The following PPFIA2 variants were observed in gnomAD, a reference collection of about 807,000 sequenced individuals.
PPFIA2 encodes liprin-alpha-2.
In PPFIA2, 46 loss-of-function variants were observed where a neutral mutation model predicts 175.5. The ratio of observed to expected loss-of-function variants is 0.26; its 90% CI spans 0.21 to 0.34. PPFIA2 has a LOEUF of 0.34. Ranked by LOEUF, PPFIA2 falls within the 10% of genes least tolerant of loss-of-function variation. The probability of loss-of-function intolerance (pLI) is 1.00; values close to 1 mark genes in which losing one functional copy is unlikely to be tolerated. For synonymous variants in PPFIA2, 568 were observed against 511.4 expected, an observed-to-expected ratio of 1.11 and a Z score of -1.49; for missense variants, 1,179 against 1,506.1, an observed-to-expected ratio of 0.78 and a Z score of 3.60.
chr12:81,665,324 C>T (rs2069946049), intron 4 of PPFIA2, among the ~76,000 whole-genome samples: 1 of 152,140 alleles, frequency 6.6e-6, no homozygotes, highest in South Asian at 2.1e-4. Context: ...TTTTCTATCA[C>T]ATTAATCATC....
chr12:81,585,713 A>G (rs1229580279), intron 4 of PPFIA2, among the ~76,000 whole-genome samples: 1 of 151,848 alleles, frequency 6.6e-6, no homozygotes, highest in Admixed American at 6.6e-5. Flanking sequence ...TACCTGCCTG[A>G]GACTATTTCA....
intron 4 of PPFIA2, among the ~76,000 whole-genome samples, chr12:81,478,407 C>G (rs185510101): frequency 6.6e-6 from 1 of 152,048 alleles, no homozygotes; most frequent in East Asian, 1.9e-4. Flanking sequence ...CGTCTCTATC[C>G]CTTCAGATCT....
At chr12:81,429,701 A>G (rs2047752247) in intron 7 of PPFIA2, among the ~76,000 whole-genome samples, 1 of 152,096 alleles carries the variant, frequency 6.6e-6, no homozygotes, top group Non-Finnish European at 1.5e-5. Flanking sequence ...AAGCAATCAA[A>G]GACAACTTTA....
intron 4 of PPFIA2, among the ~76,000 whole-genome samples, chr12:81,666,063 A>G (rs987551753): frequency 2.6e-5 from 4 of 152,166 alleles, no homozygotes; most frequent in Non-Finnish European, 5.9e-5. Flanking sequence ...ACAATGAGAT[A>G]CCATCTCACA....
intron 3 of PPFIA2, among the ~76,000 whole-genome samples, chr12:81,697,538 A>T (rs565270441): frequency 1.1e-4 from 17 of 152,288 alleles, no homozygotes; most frequent in Admixed American, 1.1e-3. Context: ...GGAATATGTC[A>T]AACTATTTGA....
At chr12:81,540,064 CAGAGAG>C (rs566794056) in intron 4 of PPFIA2, among the ~76,000 whole-genome samples, 1 of 151,144 alleles carries the variant, frequency 6.6e-6, no homozygotes, top group Non-Finnish European at 1.5e-5. Flanking sequence ...AGAGAGGAGA[CAGAGAG>C]AGAGAGAAAG....
At chr12:81,758,278 C>T (rs1381481122) in intron 2 of PPFIA2, 122 bp downstream of exon 2, 2 of 422,988 alleles carry the variant, frequency 4.7e-6, no homozygotes, top group Non-Finnish European at 9.6e-6. Flanking sequence ...GCAAAAGGCA[C>T]CTAACGGTAA....
At chr12:81,557,114 C>A (rs1025763348) in intron 4 of PPFIA2, among the ~76,000 whole-genome samples, 2 of 151,202 alleles carry the variant, frequency 1.3e-5, no homozygotes, top group Admixed American at 6.6e-5. Context: ...AGGTCTCATT[C>A]TTATATGCTT....
At chr12:81,392,599 T>G (rs1319562226) in intron 8 of PPFIA2, among the ~76,000 whole-genome samples, 1 of 151,966 alleles carries the variant, frequency 6.6e-6, no homozygotes, top group African/African-American at 2.4e-5. Context: ...TTACAAAATA[T>G]GTTTGTTGTC....
At chr12:81,706,253 C>G (rs1023818579) in intron 3 of PPFIA2, among the ~76,000 whole-genome samples, 1 of 152,130 alleles carries the variant, frequency 6.6e-6, no homozygotes, top group Non-Finnish European at 1.5e-5. Flanking sequence ...AAGTTTAACA[C>G]TATGTACTGC....
At position 81,647,067 on chromosome 12, in the gene PPFIA2, G is replaced by A. The variant is rs1293009065; in HGVS notation, c.303+29724C>T. Among the ~76,000 whole-genome samples, 6 of 1,728 alleles carry A rather than the reference G, an allele frequency of 3.5e-3. No individual in the cohort carries two copies. The East Asian group carries it at 0.21, about 62-fold the overall frequency. The allele number at this position is 1,728 out of a possible 152,430, so 1.1% of individuals were successfully genotyped here. Reference sequence around the variant, plus strand: ...TTGAAGGAACTGGTTAAAAAAAAAGGGGGGGGGAGCGTGTATAAACAAATG... The same window carrying A: ...TTGAAGGAACTGGTTAAAAAAAAAGAGGGGGGGAGCGTGTATAAACAAATG... On this transcript the variant is annotated intron_variant, in intron 4 of 32. Coordinates refer to ENST00000549396, the MANE Select transcript of PPFIA2 (RefSeq NM_003625.5).
chr12:81,516,707 G>T (rs991480855), intron 4 of PPFIA2, among the ~76,000 whole-genome samples: 1 of 152,166 alleles, frequency 6.6e-6, no homozygotes, highest in African/African-American at 2.4e-5. Context: ...AACTAACCCT[G>T]CAAACACCTT....
At chr12:81,268,912 C>G (rs962009550) in intron 28 of PPFIA2, among the ~76,000 whole-genome samples, 1 of 152,106 alleles carries the variant, frequency 6.6e-6, no homozygotes, top group African/African-American at 2.4e-5. Flanking sequence ...TAATATAAGG[C>G]ATCAACAGAT....
intron 4 of PPFIA2, among the ~76,000 whole-genome samples, chr12:81,585,731 G>GT (rs919264511): frequency 4.0e-5 from 6 of 151,624 alleles, no homozygotes; most frequent in South Asian, 2.1e-4. Context: ...TCACAGTTAA[G>GT]TTTTTTTTAA....
At chr12:81,711,641 G>A (rs549324151) in intron 3 of PPFIA2, among the ~76,000 whole-genome samples, 1 of 151,180 alleles carries the variant, frequency 6.6e-6, no homozygotes, top group East Asian at 2.0e-4. Flanking sequence ...TTTTGTTTGT[G>A]AATGAATACA....
intron 20 of PPFIA2, among the ~76,000 whole-genome samples, chr12:81,340,047 A>G (rs1468458401): frequency 3.9e-5 from 6 of 152,158 alleles, no homozygotes; most frequent in South Asian, 2.1e-4. Flanking sequence ...ATTAGTTTCT[A>G]TAGTTGTTAA....
rs539217916 is a variant in PPFIA2, at chr12:81,265,207, C to A, written c.3555+1745G>T. Among the ~76,000 whole-genome samples, 450 of 145,486 alleles carry A rather than the reference C, an allele frequency of 3.1e-3. 1 individual carries two copies. Among genetic ancestry groups the A allele is most frequent in the African/African-American group, 5.5e-3 (219 of 39,614 alleles). ...ACTTGGGAGGCTCAGGTGGGAGAAT[C>A]GCTGGAACCCAGGAGACGGAGGTTG... On this transcript the variant is annotated intron_variant, in intron 30 of 32. Transcript: ENST00000549396.
chr12:81,615,360 G>A (rs1567582547), intron 4 of PPFIA2, among the ~76,000 whole-genome samples: 1 of 152,062 alleles, frequency 6.6e-6, no homozygotes, highest in Non-Finnish European at 1.5e-5. Context: ...ATAGCCAGGT[G>A]GATATACAAA....
chr12:81,605,650 GCTATCTATCTATCTAT>G (rs10595723), intron 4 of PPFIA2, among the ~76,000 whole-genome samples: 173 of 143,898 alleles, frequency 1.2e-3, no homozygotes, highest in African/African-American at 7.0e-4. Context: ...CATCCATCCA[GCTATCTATCTATCTAT>G]CTATCTATCT....
Sources: allele counts gnomAD v4.1 joint callset (sites outside exome capture counted in the v4.1 genomes callset), GRCh38; gene constraint gnomAD v4.1.1; transcripts MANE v1.5; gene names NCBI Gene and HGNC (gene_info 2026-07-23, HGNC 2026-07-21).